Variants in ZNF462 observed in about 807,000 individuals in gnomAD.
ZNF462 encodes zinc finger protein 462, also known as zinc finger PBX1-interacting protein.
Under a neutral mutation model 201.9 loss-of-function variants are expected in ZNF462, and 10 were observed. The ratio of observed to expected loss-of-function variants is 0.05; its 90% CI spans 0.03 to 0.08. The LOEUF is 0.08. Among genes scored for constraint, ZNF462 ranks in the 10% least tolerant of loss-of-function variants. The pLI is 1.00. For missense variants in ZNF462, 2,523 were observed against 3,168.3 expected (o/e 0.80, Z 4.89); for synonymous variants, 1,227 against 1,193.3 (o/e 1.03, Z -0.58).
chr9:106,862,091 T>C (rs966885158), upstream of ZNF462, among the ~76,000 whole-genome samples: 1 of 151,752 alleles, frequency 6.6e-6, no homozygotes, highest in African/African-American at 2.4e-5. This position sits in a 1 kb window ranked among gnomAD's most constrained non-coding sequence, Gnocchi z 4.2. Flanking sequence ...ACCTTCCATA[T>C]CAGGAAAGAA....
intron 1 of ZNF462, among the ~76,000 whole-genome samples, chr9:106,911,141 T>G (rs1040433992): frequency 6.6e-6 from 1 of 152,216 alleles, no homozygotes; most frequent in Non-Finnish European, 1.5e-5. Context: ...GCACTTGAAG[T>G]AGCCACAGTC....
intron 7 of ZNF462, among the ~76,000 whole-genome samples, chr9:106,952,678 A>T (rs1831404369): frequency 1.3e-5 from 2 of 152,218 alleles, no homozygotes; most frequent in Non-Finnish European, 1.5e-5. Flanking sequence ...GTTAGACATC[A>T]TTACTATAAT....
intron 1 of ZNF462, among the ~76,000 whole-genome samples, chr9:106,879,943 T>C (rs59826021): frequency 6.6e-6 from 1 of 152,138 alleles, no homozygotes; most frequent in Non-Finnish European, 1.5e-5. Context: ...TTCAGTGGAC[T>C]TCACAGCTGT....
chr9:106,927,993 A>T lies in ZNF462; in HGVS notation c.4081A>T (p.Thr1361Ser), dbSNP rs193063456. Residue 1361 changes from threonine (T) to serine (S), a missense_variant, in exon 3 of 13, where the codon ACA becomes TCA. Around this residue, in one of 15 missense-constraint regions of ZNF462, gnomAD observed 165 missense variants for 142.6 expected, o/e 1.16. Coordinates refer to ENST00000277225, the MANE Select transcript of ZNF462 (RefSeq NM_021224.6). Reference protein sequence around the residue: ...AGPDPSPPSLTMPAEAKTYRC... With the variant: ...AGPDPSPPSLSMPAEAKTYRC... ...GCCAGACCCATCCCCTCCCTCTCTC[A>T]CAATGCCAGCCGAAGCCAAAACCTA... 33 of 1,614,086 alleles carry T rather than the reference A, an allele frequency of 2.0e-5. No homozygotes were observed. In the Admixed American group the frequency reaches 4.3e-4, roughly 21 times the overall value.
chr9:106,868,701 A>G (rs993939216), intron 1 of ZNF462, among the ~76,000 whole-genome samples: 4 of 152,190 alleles, frequency 2.6e-5, no homozygotes, highest in African/African-American at 7.2e-5. Flanking sequence ...GCACAAGGTC[A>G]GAAAGTTCAG....
chr9:106,892,697 C>A (rs1828636232), intron 1 of ZNF462, among the ~76,000 whole-genome samples: 1 of 127,652 alleles, frequency 7.8e-6, no homozygotes, highest in African/African-American at 4.0e-5. Context: ...CACATGCACA[C>A]ACACACGCAC....
rs967999020 is a variant in ZNF462 at position 106,993,714 on chromosome 9, C to T, written c.7056+9305C>T. On this transcript the variant is annotated intron_variant, in intron 10 of 12. Coordinates refer to ENST00000277225, the MANE Select transcript of ZNF462 (RefSeq NM_021224.6). The surrounding 1 kb of genome is among the most constrained non-coding windows in gnomAD (Gnocchi z 4.0). ...TAGTGAATTATTTATCAGTAATGCC[C>T]TTTATTAGCAATACTGTTGAAAGAT... is the stretch of plus-strand genomic sequence containing the variant. Among the ~76,000 whole-genome samples the T allele has an allele frequency of 2.6e-5, 4 of 151,442 alleles. No homozygotes were observed. Among genetic ancestry groups the T allele is most frequent in the Non-Finnish European group, 5.9e-5 (4 of 67,966 alleles).
At chr9:106,948,089 G>C (rs1375587862) in intron 7 of ZNF462, among the ~76,000 whole-genome samples, 2 of 152,264 alleles carry the variant, frequency 1.3e-5, no homozygotes, top group South Asian at 2.1e-4. Context: ...GGACTTGAAG[G>C]GTGAGTGGAT....
At chr9:106,904,482 C>G (rs1164691144) in intron 1 of ZNF462, among the ~76,000 whole-genome samples, 1 of 152,186 alleles carries the variant, frequency 6.6e-6, no homozygotes, top group Non-Finnish European at 1.5e-5. Flanking sequence ...AGGTCTCTCA[C>G]AAGGCTGGGG....
chr9:106,939,020 A>G lies in ZNF462; in HGVS notation c.6340A>G (p.Arg2114Gly), dbSNP rs1269869766. ...CCACGGAAAAGCCCTGACCCTCCCC[A>G]GGCCACGGATCGTCAGTCTCCTCTC... is the stretch of plus-strand genomic sequence containing the variant. ...KVHGKALTLPRPRIVSLLSSH... is the reference protein window; with the variant it reads ...KVHGKALTLPGPRIVSLLSSH... Residue 2114 changes from arginine to glycine, a missense_variant, in exon 7 of 13, where the codon AGG becomes GGG. Coordinates refer to ENST00000277225, the MANE Select transcript of ZNF462 (RefSeq NM_021224.6). 1.9e-6 allele frequency: 3 copies of G among 1,613,860 alleles called. No individual in the cohort carries two copies. Among genetic ancestry groups the G allele is most frequent in the Non-Finnish European group, 2.5e-6 (3 of 1,179,944 alleles).
intron 1 of ZNF462, among the ~76,000 whole-genome samples, chr9:106,903,824 G>C (rs1385634340): frequency 1.3e-5 from 2 of 152,202 alleles, no homozygotes; most frequent in South Asian, 2.1e-4. Context: ...TGTGTTAGTT[G>C]AGTCTCCTGA....
At chr9:106,991,914 T>G (rs1828309344) in intron 10 of ZNF462, among the ~76,000 whole-genome samples, 1 of 149,628 alleles carries the variant, frequency 6.7e-6, no homozygotes, top group African/African-American at 2.5e-5. Context: ...CTTAAATGTG[T>G]GAGCTAAAAC....
At position 106,890,372 on chromosome 9, in the gene ZNF462, A is replaced by G. The variant is rs927038535; in HGVS notation, c.-31+27017A>G. Among the ~76,000 whole-genome samples the G allele has an allele frequency of 2.0e-5, 3 of 152,154 alleles. No individual in the cohort carries two copies. Among genetic ancestry groups the G allele is most frequent in the Non-Finnish European group, 2.9e-5 (2 of 68,026 alleles). On this transcript the variant is annotated intron_variant, in intron 1 of 12. Transcript: ENST00000277225. The surrounding 1 kb of genome is among the most constrained non-coding windows in gnomAD (Gnocchi z 4.2). The stretch of plus-strand genomic sequence containing the variant: ...GTGATCTTCTGGTCTCTTGGTTTGG[A>G]GTTAATTAAACATTGTCGGGAGAAT...
rs1441869464 is a variant in ZNF462, at chr9:106,933,633, A to G, written c.6116+1084A>G. ...ATTTAGGGTCAAGGGTTGGTTTATG[A>G]AATTAAAAAAAAACAAAACAAAACC... On this transcript the variant is annotated intron_variant, in intron 5 of 12. Transcript: ENST00000277225. The surrounding 1 kb of genome is among the most constrained non-coding windows in gnomAD (Gnocchi z 4.3). Among the ~76,000 whole-genome samples the G allele has an allele frequency of 1.3e-5, 2 of 152,186 alleles. No individual in the cohort carries two copies. Among genetic ancestry groups the G allele is most frequent in the Admixed American group, 1.3e-4 (2 of 15,268 alleles).
chr9:106,937,265 T>TTA (rs1830669322), intron 6 of ZNF462, among the ~76,000 whole-genome samples: 3 of 152,046 alleles, frequency 2.0e-5, no homozygotes, highest in African/African-American at 7.2e-5. Flanking sequence ...CTATATATTG[T>TTA]CATATATATA....
In ZNF462 at chr9:106,928,259, A is replaced by T. The variant is rs1431981458; in HGVS notation, c.4347A>T (p.Arg1449Ser). The T allele has an allele frequency of 1.9e-6, 3 of 1,613,464 alleles. No homozygotes were observed. Among genetic ancestry groups the T allele is most frequent in the Middle Eastern group, 1.7e-4 (1 of 6,032 alleles). ...AAGCTGAATGTCCAGAGGATGCAAG[A>T]CTGTCCCCTGAGAAAAGCCTGCAGC... ...EQEAECPEDA[R>S]LSPEKSLQLA... The change falls in exon 3 of 13, where the codon AGA (arginine) becomes AGT (serine). Residue 1449 changes from arginine to serine, a missense_variant. Coordinates refer to ENST00000277225, the MANE Select transcript of ZNF462 (RefSeq NM_021224.6). This position sits in a 1 kb window ranked among gnomAD's most constrained non-coding sequence, Gnocchi z 9.3.
At chr9:106,900,203 CGTGTGTGTGTGTGTGTGTGTGTGTGT>C (rs3056258) in intron 1 of ZNF462, among the ~76,000 whole-genome samples, 4 of 134,652 alleles carry the variant, frequency 3.0e-5, no homozygotes, top group South Asian at 2.6e-4. Context: ...AGTATTCCAT[CGTGTGTGTGTGTGTGTGTGTGTGTGT>C]GTGTGTGTGT....
intron 7 of ZNF462, among the ~76,000 whole-genome samples, chr9:106,955,153 T>C (rs1440597927): frequency 6.6e-6 from 1 of 152,142 alleles, no homozygotes; most frequent in African/African-American, 2.4e-5. Flanking sequence ...CTGAGAGCTC[T>C]TGAAATATGA....
intron 1 of ZNF462, among the ~76,000 whole-genome samples, chr9:106,878,119 T>A (rs1587985964): frequency 6.6e-6 from 1 of 152,272 alleles, no homozygotes; most frequent in South Asian, 2.1e-4. Flanking sequence ...GGCTGTGGGG[T>A]ATGACCTGAA....
Sources: allele counts gnomAD v4.1 joint callset (sites outside exome capture counted in the v4.1 genomes callset), GRCh38; gene constraint gnomAD v4.1.1; regional missense constraint gnomAD v4.1.1; non-coding constraint Gnocchi (gnomAD v3.1); transcripts MANE v1.5; gene names NCBI Gene and HGNC (gene_info 2026-07-23, HGNC 2026-07-21).